Variants in CRYZL1 observed in about 807,000 individuals in gnomAD.
CRYZL1 encodes crystallin zeta like 1.
CRYZL1 carries 34 observed loss-of-function variants against 50.6 expected under a neutral mutation model. The ratio of observed to expected loss-of-function variants is 0.67; its 90% CI spans 0.51 to 0.89. The LOEUF (loss-of-function observed/expected upper bound fraction) is 0.89. Among genes scored for constraint, CRYZL1 ranks in the 40% least tolerant of loss-of-function variants. The pLI is 0.00. For missense variants in CRYZL1, 354 were observed against 402.3 expected (o/e 0.88, Z 1.03); for synonymous variants, 125 against 134.3 (o/e 0.93, Z 0.48).
At chr21:33,629,102 G>A (rs956337935) in intron 2 of CRYZL1, among the ~76,000 whole-genome samples, 2 of 151,594 alleles carry the variant, frequency 1.3e-5, no homozygotes, top group Non-Finnish European at 2.9e-5. Flanking sequence ...AGACATGGTG[G>A]CACATGTCTG....
In CRYZL1 at chr21:33,591,164, G is replaced by A. The variant is rs754953045; in HGVS notation, c.948C>T (p.Phe316=). The change falls in exon 12 of 13, where the codon TTC becomes TTT. Residue 316 remains phenylalanine, a splice_region_variant and synonymous_variant. Transcript: ENST00000381554. ...ATGATTTGGTTACTTTAGCGTACCT[G>A]AAAACACCAGTTGATAACTTCTCCA... ...DVMEKLSTGV[F]RPQLDEPIPL... is the part of the protein sequence containing the mutation. 3.7e-6 allele frequency: 6 copies of A among 1,606,402 alleles called. No homozygotes were observed. The highest frequency in any genetic ancestry group is 3.3e-5 in the Admixed American group (2 of 59,998).
intron 6 of CRYZL1, among the ~76,000 whole-genome samples, chr21:33,609,363 A>C (rs575843285): frequency 4.0e-5 from 6 of 151,892 alleles, no homozygotes; most frequent in Non-Finnish European, 7.4e-5. Context: ...GCAGTGGCGC[A>C]AATACAGCTA....
intron 6 of CRYZL1, among the ~76,000 whole-genome samples, chr21:33,611,637 A>G (rs1404395485): frequency 1.3e-5 from 2 of 152,216 alleles, no homozygotes; most frequent in Non-Finnish European, 2.9e-5. Context: ...GAAAAGGTTT[A>G]ATTCAATAGT....
At chr21:33,596,931 C>T (rs1323616532) in intron 10 of CRYZL1, among the ~76,000 whole-genome samples, 5 of 150,614 alleles carry the variant, frequency 3.3e-5, no homozygotes, top group African/African-American at 4.9e-5. Context: ...GGCGCAATCT[C>T]GGCTCACTAC....
rs764185960 is a variant in CRYZL1, at chr21:33,600,933, G to GTTTTTTTTTT, written c.577+1291_577+1300dup. On this transcript the variant is annotated intron_variant, in intron 8 of 12. Transcript: ENST00000381554. Reference sequence around the variant, plus strand: ...TGAGCCACTGTGCCCGGTCCATAAAGTTTTTTTTTTTTTTTTTTTTGGGGG... The same window carrying GTTTTTTTTTT: ...TGAGCCACTGTGCCCGGTCCATAAAGTTTTTTTTTTTTTTTTTTTTTTTTTTTTTTGGGGG... 1.1e-3 allele frequency among the ~76,000 whole-genome samples: 68 copies of GTTTTTTTTTT among 59,562 alleles called. 29 individuals carry two copies. Among genetic ancestry groups the GTTTTTTTTTT allele is most frequent in the South Asian group, 1.9e-3 (3 of 1,596 alleles). The allele number at this position is 59,562 out of a possible 152,430, so 39.1% of individuals were successfully genotyped here.
rs1156802982 is a variant in CRYZL1, at chr21:33,602,220, A to C, written c.577+14T>G. 2 of 1,365,398 alleles carry C rather than the reference A, an allele frequency of 1.5e-6. No homozygotes were observed. Among genetic ancestry groups the C allele is most frequent in the Non-Finnish European group, 2.1e-6 (2 of 956,512 alleles). 84.6% of individuals were successfully genotyped at this position (1,365,398 alleles called of 1,614,324 possible). A position where few individuals can be genotyped will look rare whatever the true frequency, so the allele number is the denominator to read the frequency against. ...ATTTCCTGTTTTAAAGTCTGTGCTC[A>C]TAATATTACCCACCTATGGGAGGTC... On this transcript the variant is annotated intron_variant, in intron 8 of 12. Transcript: ENST00000381554.
intron 6 of CRYZL1, among the ~76,000 whole-genome samples, chr21:33,612,786 A>C (rs959046764): frequency 6.6e-6 from 1 of 152,218 alleles, no homozygotes; most frequent in Middle Eastern, 3.2e-3. Context: ...CGAATATTTC[A>C]GTTAAACTCA....
intron 1 of CRYZL1, chr21:33,641,255 A>G: frequency 6.4e-7 from 1 of 1,550,634 alleles, no homozygotes; most frequent in South Asian, 1.2e-5. Context: ...ACAGCGAATA[A>G]CTACTAACTG....
chr21:33,622,000 T>C lies in CRYZL1; in HGVS notation c.213A>G (p.Leu71=), dbSNP rs2087008520. 11 of 1,601,602 alleles carry C rather than the reference T, an allele frequency of 6.9e-6. No homozygotes were observed. The East Asian group carries it at 2.5e-4, about 36-fold the overall frequency. The change falls in exon 4 of 13, where the codon TTA becomes TTG. Residue 71 remains leucine, a synonymous_variant. Transcript: ENST00000381554. ...TACTCACATCTGTATACTTACCATCTAATACAATTCCAGCAATTTCTCTCC... is the reference window on the plus strand; with the variant it reads ...TACTCACATCTGTATACTTACCATCCAATACAATTCCAGCAATTTCTCTCC... ...PVGREIAGIV[L]DVGSKVSFFQ...
chr21:33,599,797 A>AT (rs1259807211), intron 8 of CRYZL1, among the ~76,000 whole-genome samples: 2 of 151,684 alleles, frequency 1.3e-5, no homozygotes, highest in Non-Finnish European at 2.9e-5. Context: ...ACGCATGGCT[A>AT]TTTTTTTAAT....
intron 11 of CRYZL1, chr21:33,591,560 A>G (rs2086642574): frequency 3.4e-6 from 1 of 291,436 alleles, no homozygotes; most frequent in Admixed American, 4.8e-5. Context: ...AGTTAAAAAC[A>G]ATTTTAGCAC....
chr21:33,599,067 A>G (rs1256694745), intron 9 of CRYZL1, 83 bp downstream of exon 9: 20 of 1,242,556 alleles, frequency 1.6e-5, no homozygotes, highest in Non-Finnish European at 2.3e-5. Context: ...GTGCATTAAT[A>G]ATTATGCCCT....
chr21:33,626,095 A>T (rs1170636080), intron 2 of CRYZL1, among the ~76,000 whole-genome samples: 9 of 152,046 alleles, frequency 5.9e-5, no homozygotes, highest in Admixed American at 5.9e-4. Context: ...CTGGGATTAC[A>T]GGCATGAGCC....
Position 33,622,174 on chromosome 21 carries a change from T to C in CRYZL1, c.145-106A>G, listed in dbSNP as rs1601344024. ...AAAGTCAAATCACAGAAAGAGCAAA[T>C]ATGGTTCAAGTTTTGGAACTGAGAC... On this transcript the variant is annotated intron_variant, in intron 3 of 12. Coordinates refer to ENST00000381554, the MANE Select transcript of CRYZL1 (RefSeq NM_145858.3). The C allele has an allele frequency of 6.8e-6, 6 of 878,782 alleles. No individual in the cohort carries two copies. In the East Asian group the frequency reaches 1.3e-4, roughly 19 times the overall value. 54.4% of individuals were successfully genotyped at this position (878,782 alleles called of 1,614,324 possible). A position where few individuals can be genotyped will look rare whatever the true frequency, so the allele number is the denominator to read the frequency against.
chr21:33,595,262 G>T, intron 11 of CRYZL1: 1 of 981,852 alleles, frequency 1.0e-6, no homozygotes, highest in Non-Finnish European at 1.3e-6. Flanking sequence ...TCCTAGCATT[G>T]ATATTTATAA....
intron 5 of CRYZL1, among the ~76,000 whole-genome samples, chr21:33,614,650 C>A (rs930002968): frequency 7.9e-5 from 12 of 152,304 alleles, no homozygotes; most frequent in Non-Finnish European, 1.6e-4. Flanking sequence ...CAGCCCACTG[C>A]AACCTCCGCC....
At chr21:33,593,077 A>G (rs1317548381) in intron 11 of CRYZL1, among the ~76,000 whole-genome samples, 1 of 152,050 alleles carries the variant, frequency 6.6e-6, no homozygotes, top group African/African-American at 2.4e-5. Flanking sequence ...GAAAGAAAGA[A>G]AATGCAAATT....
intron 3 of CRYZL1, 124 bp downstream of exon 3, chr21:33,624,559 A>T: frequency 6.9e-7 from 1 of 1,458,470 alleles, no homozygotes; most frequent in Non-Finnish European, 9.1e-7. Flanking sequence ...CAAATAAAAA[A>T]ATTAACAAAA....
At chr21:33,621,804 G>C (rs1331910636) in intron 4 of CRYZL1, among the ~76,000 whole-genome samples, 192 bp downstream of exon 4, 1 of 152,020 alleles carries the variant, frequency 6.6e-6, no homozygotes, top group Non-Finnish European at 1.5e-5. Flanking sequence ...CTGTAGCTAT[G>C]ATCAGGCTGG....
Sources: allele counts gnomAD v4.1 joint callset (sites outside exome capture counted in the v4.1 genomes callset), GRCh38; gene constraint gnomAD v4.1.1; transcripts MANE v1.5; gene names NCBI Gene and HGNC (gene_info 2026-07-23, HGNC 2026-07-21).